Variants in RASSF2 observed in about 807,000 individuals in gnomAD.
RASSF2 encodes the protein Ras association domain family member 2, also known as ras association domain-containing protein 2.
In RASSF2, 34 loss-of-function variants were observed where a neutral mutation model predicts 46.3. The ratio of observed to expected loss-of-function variants is 0.73; its 90% CI spans 0.56 to 0.98. The LOEUF (loss-of-function observed/expected upper bound fraction) is 0.98, where lower values mean the gene tolerates loss of function less well. Among genes scored for constraint, RASSF2 ranks in the 50% least tolerant of loss-of-function variants. The probability of loss-of-function intolerance (pLI) is 0.00; values close to 1 mark genes in which losing one functional copy is unlikely to be tolerated. For synonymous variants in RASSF2, 158 were observed against 162.5 expected (o/e 0.97, Z 0.21); for missense variants, 364 against 431.2 (o/e 0.84, Z 1.38).
Position 4,783,572 on chromosome 20 carries a change from C to T in RASSF2, c.*701G>A, listed in dbSNP as rs1925024172. The T allele has an allele frequency of 6.5e-6, 1 of 152,674 alleles. No individual in the cohort carries two copies. The highest frequency in any genetic ancestry group is 1.5e-5 in the Non-Finnish European group (1 of 68,066). 9.5% of individuals were successfully genotyped at this position (152,674 alleles called of 1,614,324 possible). On this transcript the variant is annotated 3_prime_UTR_variant, in exon 12 of 12. Coordinates refer to ENST00000379400, the MANE Select transcript of RASSF2 (RefSeq NM_014737.3). ...CATAGAACATCACATATGTCTTTGT[C>T]ATTTAAAACAATCAACGTTTCCAGT...
At chr20:4,786,122 G>C in intron 11 of RASSF2, 109 bp downstream of exon 11, 1 of 884,954 alleles carries the variant, frequency 1.1e-6, no homozygotes, top group Non-Finnish European at 1.8e-6. Flanking sequence ...AGAAAGCCGA[G>C]ACTCAGGCCC....
intron 10 of RASSF2, among the ~76,000 whole-genome samples, chr20:4,786,734 C>T (rs1416901389): frequency 6.6e-6 from 1 of 152,166 alleles, no homozygotes; most frequent in East Asian, 1.9e-4. Context: ...CTCAAACAAG[C>T]ATCCAAATAT....
At chr20:4,789,782 C>A (rs1312056098) in intron 7 of RASSF2, 85 bp from the exon 8 acceptor site, 5 of 1,144,976 alleles carry the variant, frequency 4.4e-6, no homozygotes, top group South Asian at 3.9e-5. Context: ...GGCACAGTGA[C>A]AACGATACTC....
At position 4,781,650 on chromosome 20, in the gene RASSF2, T is replaced by G. The variant is rs538153356; in HGVS notation, c.*2623A>C. On this transcript the variant is annotated 3_prime_UTR_variant, in exon 12 of 12. Transcript: ENST00000379400. ...ATCCCAGCCAGATAGGCTCAGGTTT[T>G]TCCTTCACTTGATCACCTTGTAACA... 2 of 152,362 alleles carry G rather than the reference T, an allele frequency of 1.3e-5. No individual in the cohort carries two copies. Among genetic ancestry groups the G allele is most frequent in the African/African-American group, 4.8e-5 (2 of 41,574 alleles). The allele number at this position is 152,362 out of a possible 1,614,324, so 9.4% of individuals were successfully genotyped here.
Position 4,823,558 on chromosome 20 carries a change from G to A in RASSF2, c.-109C>T, listed in dbSNP as rs1007598977. ...CCCTTGGCCTTTTTCAGCCCCTACC[G>A]GATCTGCTCGTCCGCTGTCCTCTCT... is the stretch of plus-strand genomic sequence containing the variant. On this transcript the variant is annotated splice_region_variant and 5_prime_UTR_variant, in exon 1 of 12. Transcript: ENST00000379400. 2.6e-5 allele frequency: 4 copies of A among 152,602 alleles called. No individual in the cohort carries two copies. Among genetic ancestry groups the A allele is most frequent in the African/African-American group, 7.2e-5 (3 of 41,396 alleles). 9.5% of individuals were successfully genotyped at this position (152,602 alleles called of 1,614,324 possible).
At chr20:4,816,779 G>A (rs1423931099) in intron 2 of RASSF2, among the ~76,000 whole-genome samples, 2 of 152,122 alleles carry the variant, frequency 1.3e-5, no homozygotes, top group African/African-American at 2.4e-5. Flanking sequence ...GATACAGTTT[G>A]TAAAAATAGC....
chr20:4,798,967 G>A, intron 3 of RASSF2, among the ~76,000 whole-genome samples: 1 of 151,954 alleles, frequency 6.6e-6, no homozygotes, highest in Non-Finnish European at 1.5e-5. Flanking sequence ...CTACACGCAT[G>A]TGTGTGACTC....
At chr20:4,811,404 T>A (rs1927797418) in intron 2 of RASSF2, among the ~76,000 whole-genome samples, 2 of 152,026 alleles carry the variant, frequency 1.3e-5, no homozygotes, top group Non-Finnish European at 2.9e-5. Context: ...CCAGATCAAT[T>A]ACATCAGACT....
At chr20:4,817,344 G>A (rs1013144967) in intron 2 of RASSF2, among the ~76,000 whole-genome samples, 1 of 152,104 alleles carries the variant, frequency 6.6e-6, no homozygotes, top group African/African-American at 2.4e-5. Context: ...GAATTCCTAG[G>A]GGTGGAACTG....
At chr20:4,794,708 C>CAAACA (rs1926193048) in intron 5 of RASSF2, among the ~76,000 whole-genome samples, 1 of 152,122 alleles carries the variant, frequency 6.6e-6, no homozygotes, top group Non-Finnish European at 1.5e-5. Context: ...GACCTTGTCT[C>CAAACA]AAACAAAACA....
At chr20:4,817,282 C>T (rs1928392609) in intron 2 of RASSF2, among the ~76,000 whole-genome samples, 1 of 152,140 alleles carries the variant, frequency 6.6e-6, no homozygotes, top group African/African-American at 2.4e-5. Context: ...CTGCGAGGGA[C>T]ATCCCCATAC....
intron 2 of RASSF2, among the ~76,000 whole-genome samples, chr20:4,802,329 C>T (rs1455335106): frequency 6.6e-6 from 1 of 150,686 alleles, no homozygotes; most frequent in African/African-American, 2.5e-5. Context: ...CAGCACTACC[C>T]CAGTGATGAT....
In RASSF2 at chr20:4,795,635, A is replaced by G. The variant is rs970925041; in HGVS notation, c.287+180T>C. On this transcript the variant is annotated intron_variant, in intron 5 of 11. Transcript: ENST00000379400. The surrounding 1 kb of genome is among the most constrained non-coding windows in gnomAD (Gnocchi z 4.0). ...ATTGCAGTGACAGGAAGGGGGCTCA[A>G]TCACAACCACATCTGCTGCTTGTTC... 6.0e-6 allele frequency: 4 copies of G among 664,528 alleles called. No homozygotes were observed. The highest frequency in any genetic ancestry group is 3.8e-5 in the African/African-American group (2 of 53,312). The allele number at this position is 664,528 out of a possible 1,614,324, so 41.2% of individuals were successfully genotyped here.
intron 2 of RASSF2, among the ~76,000 whole-genome samples, chr20:4,801,374 T>C (rs1926854007): frequency 6.6e-6 from 1 of 152,114 alleles, no homozygotes. Flanking sequence ...TGAGTCCTCC[T>C]CTCTGAAGAG....
At position 4,782,756 on chromosome 20, in the gene RASSF2, T is replaced by C. The variant is rs1357150361; in HGVS notation, c.*1517A>G. ...TGTCCTTTCCTCAACTGCCCAGCTC[T>C]GCAAACATTCTGTGGAGAGAAGGTG... On this transcript the variant is annotated 3_prime_UTR_variant, in exon 12 of 12. Coordinates refer to ENST00000379400, the MANE Select transcript of RASSF2 (RefSeq NM_014737.3). 1 of 152,234 alleles carries C rather than the reference T, an allele frequency of 6.6e-6. No individual in the cohort carries two copies. Among genetic ancestry groups the C allele is most frequent in the Admixed American group, 6.5e-5 (1 of 15,282 alleles). The allele number at this position is 152,234 out of a possible 1,614,324, so 9.4% of individuals were successfully genotyped here.
intron 2 of RASSF2, among the ~76,000 whole-genome samples, chr20:4,820,414 G>A (rs571956481): frequency 6.6e-6 from 1 of 152,276 alleles, no homozygotes; most frequent in Non-Finnish European, 1.5e-5. Flanking sequence ...AAGAGGCTGA[G>A]GTGGGAGGAT....
intron 4 of RASSF2, 98 bp downstream of exon 4, chr20:4,797,912 G>A: frequency 6.5e-7 from 1 of 1,538,976 alleles, no homozygotes; most frequent in East Asian, 2.3e-5. Flanking sequence ...AAGCAGGAGA[G>A]GCAGGGTTCT....
At chr20:4,814,644 C>T (rs925877994) in intron 2 of RASSF2, among the ~76,000 whole-genome samples, 1 of 152,178 alleles carries the variant, frequency 6.6e-6, no homozygotes. Context: ...CAGAGCCCTC[C>T]AGGGTGGTCG....
chr20:4,804,737 C>T (rs1281547337), intron 2 of RASSF2, among the ~76,000 whole-genome samples: 1 of 152,144 alleles, frequency 6.6e-6, no homozygotes, highest in East Asian at 1.9e-4. Context: ...ACACATTCAA[C>T]AAGCATTTAT....
Sources: gnomAD v4.1 joint callset for allele counts (sites outside exome capture counted in the v4.1 genomes callset) on GRCh38, gnomAD v4.1.1 for gene constraint, Gnocchi (gnomAD v3.1) non-coding constraint, MANE v1.5 for transcripts, NCBI Gene and HGNC (gene_info 2026-07-23, HGNC 2026-07-21) for gene names.